TRABD2B: variants seen among roughly 807,000 people sequenced by gnomAD.
TRABD2B encodes the protein TraB domain containing 2B, also known as metalloprotease TIKI2.
TRABD2B carries 14 observed loss-of-function variants against 40.1 expected under a neutral mutation model. That is an observed-to-expected ratio of 0.35 (90% CI 0.23 to 0.55). The LOEUF is 0.55. TRABD2B is among the 20% of genes least tolerant of loss of function. TRABD2B has a pLI of 0.90. For missense variants in TRABD2B, 541 were observed against 648.6 expected (o/e 0.83, Z 1.80); for synonymous variants, 263 against 277.0 (o/e 0.95, Z 0.50).
intron 2 of TRABD2B, among the ~76,000 whole-genome samples, chr1:47,973,545 C>T (rs563736437): frequency 1.3e-5 from 2 of 152,240 alleles, no homozygotes; most frequent in East Asian, 3.9e-4. Flanking sequence ...TCCAGCCTCC[C>T]CTAATTTCAG....
At chr1:47,862,754 G>A (rs1243638577) in intron 2 of TRABD2B, among the ~76,000 whole-genome samples, 2 of 152,038 alleles carry the variant, frequency 1.3e-5, no homozygotes, top group African/African-American at 4.8e-5. Context: ...TATATGGAGA[G>A]GCAAAAGACT....
intron 2 of TRABD2B, among the ~76,000 whole-genome samples, chr1:47,909,193 T>C (rs1186920203): frequency 1.3e-5 from 2 of 152,224 alleles, no homozygotes; most frequent in Admixed American, 6.5e-5. Context: ...TGCAAGGTAG[T>C]GTGTTAGTCT....
chr1:47,990,767 GGT>G (rs1313644777), intron 2 of TRABD2B, among the ~76,000 whole-genome samples: 35 of 66,632 alleles, frequency 5.3e-4, no homozygotes, highest in African/African-American at 2.1e-3. Flanking sequence ...TTAAAACGTT[GGT>G]TTTATATATA....
At position 47,801,626 on chromosome 1, in the gene TRABD2B, C is replaced by T. The variant is rs1415783251; in HGVS notation, c.667-7G>A. 5.9e-6 allele frequency: 9 copies of T among 1,535,022 alleles called. No individual in the cohort carries two copies. The highest frequency in any genetic ancestry group is 2.0e-5 in the Admixed American group (1 of 50,952). On this transcript the variant is annotated splice_polypyrimidine_tract_variant and splice_region_variant and intron_variant, in intron 2 of 6. Coordinates refer to ENST00000606738, the MANE Select transcript of TRABD2B (RefSeq NM_001194986.2). ...GGTTCAGGGCAAACAGCACCTGGGC[C>T]GAGGAAAGAGAGAGGAATGAGGGCT...
intron 2 of TRABD2B, among the ~76,000 whole-genome samples, chr1:47,983,258 C>T (rs1026841411): frequency 7.2e-5 from 11 of 152,162 alleles, no homozygotes; most frequent in African/African-American, 2.7e-4. Flanking sequence ...CATGTTCTCA[C>T]TTCCAAGTGG....
Position 47,764,079 on chromosome 1 carries a change from A to T in TRABD2B, c.*1823T>A, listed in dbSNP as rs1359169384. 6.6e-6 allele frequency: 1 copy of T among 152,208 alleles called. No individual in the cohort carries two copies. The highest frequency in any genetic ancestry group is 2.4e-5 in the African/African-American group (1 of 41,446). 9.4% of individuals were successfully genotyped at this position (152,208 alleles called of 1,614,324 possible). On this transcript the variant is annotated 3_prime_UTR_variant, in exon 7 of 7. Coordinates refer to ENST00000606738, the MANE Select transcript of TRABD2B (RefSeq NM_001194986.2). ...TGCCAAGATGCCCGTGGGACTCCTG[A>T]CCATCCCATGAGCTGCCCAGAACTT...
At position 47,762,269 on chromosome 1, in the gene TRABD2B, C is replaced by T. The variant is rs1644252309; in HGVS notation, c.*3633G>A. On this transcript the variant is annotated 3_prime_UTR_variant, in exon 7 of 7. Transcript: ENST00000606738. ...ACGTGGCTGGTCAGCAGGGTTGGGT[C>T]ACGAAGGGTCTAGCGGACACTTCAG... 1 of 152,174 alleles carries T rather than the reference C, an allele frequency of 6.6e-6. No homozygotes were observed. Among genetic ancestry groups the T allele is most frequent in the Admixed American group, 6.5e-5 (1 of 15,280 alleles). The allele number at this position is 152,174 out of a possible 1,614,324, so 9.4% of individuals were successfully genotyped here.
At chr1:47,838,967 C>T (rs1417378282) in intron 2 of TRABD2B, among the ~76,000 whole-genome samples, 1 of 152,206 alleles carries the variant, frequency 6.6e-6, no homozygotes, top group East Asian at 1.9e-4. Flanking sequence ...TTCTGTCTGC[C>T]CTTGTTACTC....
intron 6 of TRABD2B, among the ~76,000 whole-genome samples, chr1:47,767,793 G>A (rs1461091454): frequency 3.3e-5 from 5 of 152,216 alleles, no homozygotes; most frequent in African/African-American, 1.2e-4. Context: ...GCCCCACCTC[G>A]ACAGGCTGCC....
chr1:47,770,570 A>G (rs1170972846), intron 6 of TRABD2B, among the ~76,000 whole-genome samples: 1 of 152,242 alleles, frequency 6.6e-6, no homozygotes, highest in African/African-American at 2.4e-5. Context: ...AACTGGGCCC[A>G]GAGAGGAAAC....
intron 6 of TRABD2B, among the ~76,000 whole-genome samples, chr1:47,773,083 A>G (rs892831874): frequency 3.9e-5 from 6 of 152,248 alleles, no homozygotes; most frequent in Non-Finnish European, 8.8e-5. Flanking sequence ...CCGGAGCTCC[A>G]TTGCTGGAGC....
At chr1:47,937,085 C>G (rs1645119111) in intron 2 of TRABD2B, among the ~76,000 whole-genome samples, 1 of 151,304 alleles carries the variant, frequency 6.6e-6, no homozygotes, top group South Asian at 2.1e-4. Context: ...TCATCATCAC[C>G]ACTACCATGA....
At chr1:47,807,375 T>C (rs991093884) in intron 2 of TRABD2B, among the ~76,000 whole-genome samples, 6 of 152,154 alleles carry the variant, frequency 3.9e-5, no homozygotes, top group African/African-American at 1.4e-4. Context: ...GAGATTAAAG[T>C]CAATGGAAAA....
At chr1:47,941,267 C>T (rs906619179) in intron 2 of TRABD2B, among the ~76,000 whole-genome samples, 2 of 152,200 alleles carry the variant, frequency 1.3e-5, no homozygotes, top group Non-Finnish European at 2.9e-5. Context: ...GCTAGCCACA[C>T]TGTGTCTCAT....
chr1:47,787,193 T>G (rs1287063623), intron 4 of TRABD2B, among the ~76,000 whole-genome samples: 2 of 152,326 alleles, frequency 1.3e-5, no homozygotes, highest in East Asian at 3.9e-4. Context: ...CAGCTGGATC[T>G]GCATCAGGGA....
At chr1:47,887,903 A>G (rs769214807) in intron 2 of TRABD2B, among the ~76,000 whole-genome samples, 3 of 152,148 alleles carry the variant, frequency 2.0e-5, no homozygotes, top group Non-Finnish European at 4.4e-5. Context: ...AGGATTTACA[A>G]CGTGAAATGT....
chr1:47,940,851 G>A (rs149946847), intron 2 of TRABD2B, among the ~76,000 whole-genome samples: 1 of 152,334 alleles, frequency 6.6e-6, no homozygotes, highest in Non-Finnish European at 1.5e-5. Flanking sequence ...CCAGGAATCC[G>A]GAGGGGAAAA....
intron 2 of TRABD2B, among the ~76,000 whole-genome samples, chr1:47,929,755 T>C (rs141089435): frequency 2.9e-4 from 44 of 152,330 alleles, no homozygotes; most frequent in Admixed American, 5.2e-4. Context: ...GGAGGAATGC[T>C]GTAACGATGG....
intron 2 of TRABD2B, among the ~76,000 whole-genome samples, chr1:47,856,974 G>A (rs893663528): frequency 6.6e-5 from 10 of 152,240 alleles, no homozygotes; most frequent in African/African-American, 2.4e-4. Flanking sequence ...ACAGCCAGCT[G>A]AGAATAGCTG....
Sources: gnomAD v4.1 joint callset for allele counts (sites outside exome capture counted in the v4.1 genomes callset) on GRCh38, gnomAD v4.1.1 for gene constraint, MANE v1.5 for transcripts, NCBI Gene and HGNC (gene_info 2026-07-23, HGNC 2026-07-21) for gene names.